UBP1: variants seen among roughly 807,000 people sequenced by gnomAD.
UBP1 encodes upstream-binding protein 1.
In UBP1, 22 loss-of-function variants were observed where a neutral mutation model predicts 76.1. The ratio of observed to expected loss-of-function variants is 0.29; its 90% CI spans 0.21 to 0.41. UBP1 has a LOEUF of 0.41. Ranked by LOEUF, UBP1 falls within the 10% of genes least tolerant of loss-of-function variation. UBP1 has a pLI of 1.00. For missense variants in UBP1, 436 were observed against 668.1 expected (o/e 0.65, Z 3.83); for synonymous variants, 224 against 237.1 (o/e 0.94, Z 0.51).
intron 2 of UBP1, among the ~76,000 whole-genome samples, chr3:33,418,076 A>G (rs1429591171): frequency 1.3e-5 from 2 of 152,200 alleles, no homozygotes; most frequent in Non-Finnish European, 2.9e-5. Context: ...TATATGCACT[A>G]TATTTAACAA....
intron 3 of UBP1, among the ~76,000 whole-genome samples, chr3:33,415,307 T>C (rs1364641627): frequency 7.2e-5 from 11 of 152,218 alleles, no homozygotes; most frequent in Non-Finnish European, 1.2e-4. Flanking sequence ...GACACTGAAT[T>C]TTGGCATTTG....
chr3:33,416,906 G>C (rs1405404955), intron 2 of UBP1, 72 bp from the exon 3 acceptor site: 76 of 1,296,526 alleles, frequency 5.9e-5, no homozygotes, highest in Middle Eastern at 1.8e-4. Context: ...AATTCAAAAT[G>C]CATGTTTCTC....
At chr3:33,402,757 G>C (rs1268533942) in intron 9 of UBP1, 44 bp downstream of exon 9, 1 of 1,366,720 alleles carries the variant, frequency 7.3e-7, no homozygotes, top group Non-Finnish European at 9.8e-7. Context: ...GAAGGCACAT[G>C]AGCATTAGTT....
chr3:33,439,950 T>C lies in UBP1; in HGVS notation c.-102A>G, dbSNP rs1559697166. On this transcript the variant is annotated 5_prime_UTR_variant, in exon 1 of 16. Coordinates refer to ENST00000283629, the MANE Select transcript of UBP1 (RefSeq NM_014517.5). ...CCTGGGGGAGGGCGCGGGTGAAGCC[T>C]CCGGAGGGGCGGCGAGTGGTCACCA... 18 of 1,308,748 alleles carry C rather than the reference T, an allele frequency of 1.4e-5. No homozygotes were observed. Among genetic ancestry groups the C allele is most frequent in the Non-Finnish European group, 1.8e-5 (17 of 952,038 alleles). The allele number at this position is 1,308,748 out of a possible 1,614,324, so 81.1% of individuals were successfully genotyped here. A position where few individuals can be genotyped will look rare whatever the true frequency, so the allele number is the denominator to read the frequency against.
At chr3:33,420,566 G>C (rs894119073) in intron 2 of UBP1, among the ~76,000 whole-genome samples, 2 of 146,552 alleles carry the variant, frequency 1.4e-5, no homozygotes, top group African/African-American at 5.1e-5. Context: ...TTGGCTCACT[G>C]CAACCTCCGC....
intron 1 of UBP1, 142 bp downstream of exon 1, chr3:33,439,594 G>A: frequency 1.1e-6 from 1 of 882,388 alleles, no homozygotes; most frequent in Non-Finnish European, 1.7e-6. Context: ...CATGGCCCCC[G>A]ACCGCCACGC....
intron 15 of UBP1, chr3:33,390,667 G>T (rs569885432): frequency 5.5e-5 from 22 of 400,792 alleles, no homozygotes; most frequent in Non-Finnish European, 9.2e-5. Flanking sequence ...TAATAGTGCT[G>T]TCCATAAGGG....
chr3:33,393,219 C>A, intron 14 of UBP1, 93 bp downstream of exon 14: 1 of 1,292,334 alleles, frequency 7.7e-7, no homozygotes, highest in South Asian at 1.7e-5. Context: ...TAAGTATTTT[C>A]AAAAGAGGTC....
At chr3:33,396,973 C>T in intron 12 of UBP1, 72 bp downstream of exon 12, 4 of 1,403,746 alleles carry the variant, frequency 2.8e-6, no homozygotes, top group South Asian at 2.4e-5. Context: ...CGTGGAAACA[C>T]ATTCTGCCCA....
intron 1 of UBP1, among the ~76,000 whole-genome samples, chr3:33,438,991 CAG>C (rs752538982): frequency 4.7e-4 from 71 of 152,210 alleles, no homozygotes; most frequent in Non-Finnish European, 6.6e-4. Flanking sequence ...TAAAAAAATA[CAG>C]AGTTTCCAAA....
chr3:33,409,313 G>C lies in UBP1; in HGVS notation c.742C>G (p.Arg248Gly), dbSNP rs1264517099. The change falls in exon 7 of 16, where the codon CGA becomes GGA. Residue 248 changes from arginine to glycine, a missense_variant. Around this residue, in one of 3 missense-constraint regions of UBP1, gnomAD observed 65 missense variants for 157.4 expected, o/e 0.41. Transcript: ENST00000283629. ...KGADRKQKTDREKMEKRTAHE... is the reference protein window; with the variant it reads ...KGADRKQKTDGEKMEKRTAHE... The stretch of plus-strand genomic sequence containing the variant: ...GCTGTTCTCTTCTCCATCTTCTCTC[G>C]GTCAGTTTTTTGTTTCCTGTCTGCA... 1 of 1,613,696 alleles carries C rather than the reference G, an allele frequency of 6.2e-7. No homozygotes were observed. Among genetic ancestry groups the C allele is most frequent in the Non-Finnish European group, 8.5e-7 (1 of 1,179,952 alleles).
chr3:33,400,305 T>G (rs1334701922), intron 10 of UBP1, 23 bp from the exon 11 acceptor site: 1 of 1,555,236 alleles, frequency 6.4e-7, no homozygotes, highest in Non-Finnish European at 8.8e-7. Context: ...AAAATGAACA[T>G]AAATAAAAGG....
intron 8 of UBP1, among the ~76,000 whole-genome samples, chr3:33,407,731 C>T (rs1001595194): frequency 1.2e-4 from 18 of 152,234 alleles, no homozygotes; most frequent in African/African-American, 4.3e-4. Context: ...TACATTTAAC[C>T]ACAGCAATTG....
intron 11 of UBP1, chr3:33,398,054 T>G (rs183041186): frequency 3.3e-5 from 5 of 152,312 alleles, no homozygotes; most frequent in African/African-American, 1.2e-4. Context: ...CTGGTAGTTT[T>G]TGAAGGTAGG....
chr3:33,407,036 C>T (rs1257668768), intron 8 of UBP1, among the ~76,000 whole-genome samples: 1 of 152,160 alleles, frequency 6.6e-6, no homozygotes, highest in Non-Finnish European at 1.5e-5. Context: ...AAATGTTGGC[C>T]TTCCTTTGTA....
rs1340809130 is a variant in UBP1, at chr3:33,425,640, G to A, written c.215C>T (p.Thr72Met). The A allele has an allele frequency of 6.3e-7, 1 of 1,589,078 alleles. No individual in the cohort carries two copies. Among genetic ancestry groups the A allele is most frequent in the Non-Finnish European group, 8.6e-7 (1 of 1,161,434 alleles). ...ATCATGCAGTTTTACTGCTGGTGAC[G>A]TTGCAGCACACATCACATACTGAAA... ...PPFQYVMCAA[T>M]SPAVKLHDET... is the part of the protein sequence containing the mutation. Residue 72 changes from threonine to methionine, a missense_variant, in exon 2 of 16, where the codon ACG (threonine) becomes ATG (methionine). By Grantham distance (81) the Thr-to-Met change is moderately conservative. Transcript: ENST00000283629.
At position 33,392,590 on chromosome 3, in the gene UBP1, T is replaced by G; in HGVS notation, c.1558A>C (p.Ser520Arg). Residue 520 changes from serine (S) to arginine (R), a missense_variant, in exon 15 of 16, where the codon AGT (serine) becomes CGT (arginine). Ser to Arg is a moderately radical substitution (Grantham distance 110). Around this residue, in one of 3 missense-constraint regions of UBP1, gnomAD observed 210 missense variants for 272.8 expected, o/e 0.77. Transcript: ENST00000283629. ...DQMVQNFQDESCFLFSTVKAE... is the reference protein window; with the variant it reads ...DQMVQNFQDERCFLFSTVKAE... ...TTTACTGTGGAGAATAAAAAACAAC[T>G]CTCATCTTGAAAATTCTGAACCATC... The G allele has an allele frequency of 6.2e-7, 1 of 1,612,012 alleles. No homozygotes were observed. The highest frequency in any genetic ancestry group is 8.5e-7 in the Non-Finnish European group (1 of 1,179,290).
intron 15 of UBP1, 79 bp from the exon 16 acceptor site, chr3:33,390,447 C>T: frequency 6.9e-7 from 1 of 1,451,946 alleles, no homozygotes; most frequent in East Asian, 2.3e-5. Context: ...TCCCTGCCAA[C>T]TACAACCTCC....
intron 14 of UBP1, 127 bp downstream of exon 14, chr3:33,393,185 C>A: frequency 9.6e-7 from 1 of 1,037,812 alleles, no homozygotes; most frequent in East Asian, 2.8e-5. Context: ...AAAGTGATTC[C>A]CAACTCTCTG....
Sources: gnomAD v4.1 joint callset for allele counts (sites outside exome capture counted in the v4.1 genomes callset) on GRCh38, gnomAD v4.1.1 for gene constraint, gnomAD v4.1.1 regional missense constraint, MANE v1.5 for transcripts, NCBI Gene and HGNC (gene_info 2026-07-23, HGNC 2026-07-21) for gene names.